Variants in SNTG1 observed in about 807,000 individuals in gnomAD.
SNTG1 encodes gamma-1-syntrophin.
A neutral mutation model predicts 74.7 loss-of-function variants in SNTG1; 39 were observed. The observed-to-expected ratio is 0.52, with a 90% CI of 0.40 to 0.68. The LOEUF (loss-of-function observed/expected upper bound fraction) is 0.68. Ranked by LOEUF, SNTG1 falls within the 30% of genes least tolerant of loss-of-function variation. SNTG1 has a pLI of 0.00. For synonymous variants in SNTG1, 254 were observed against 217.1 expected, an observed-to-expected ratio of 1.17 and a Z score of -1.49; for missense variants, 685 against 609.5, an observed-to-expected ratio of 1.12 and a Z score of -1.30.
intron 4 of SNTG1, among the ~76,000 whole-genome samples, chr8:50,415,577 G>A (rs929484324): frequency 1.3e-5 from 2 of 151,948 alleles, no homozygotes; most frequent in African/African-American, 2.4e-5. Flanking sequence ...TGTTTTAGTA[G>A]CACAAGTAGT....
intron 1 of SNTG1, among the ~76,000 whole-genome samples, chr8:50,095,728 A>G (rs2079901544): frequency 6.6e-6 from 1 of 152,146 alleles, no homozygotes; most frequent in African/African-American, 2.4e-5. Context: ...TTTCTTTTAA[A>G]GTGCCTTTAA....
At chr8:50,283,155 C>T (rs1162383800) in intron 2 of SNTG1, among the ~76,000 whole-genome samples, 1 of 152,132 alleles carries the variant, frequency 6.6e-6, no homozygotes, top group African/African-American at 2.4e-5. Context: ...AAAAAAGCGA[C>T]AAAAATTACA....
At chr8:49,957,294 T>A (rs184144790) in intron 1 of SNTG1, among the ~76,000 whole-genome samples, 2 of 152,342 alleles carry the variant, frequency 1.3e-5, no homozygotes, top group Non-Finnish European at 1.5e-5. Flanking sequence ...CAAAATGCCA[T>A]TCCCCTGAGC....
chr8:50,567,288 T>C (rs2094521430), intron 12 of SNTG1, among the ~76,000 whole-genome samples: 1 of 152,044 alleles, frequency 6.6e-6, no homozygotes, highest in Admixed American at 6.6e-5. Flanking sequence ...TCCTTCCCAA[T>C]TATGCTTTCC....
chr8:50,390,317 C>T (rs868167069), intron 2 of SNTG1, among the ~76,000 whole-genome samples: 1 of 152,128 alleles, frequency 6.6e-6, no homozygotes, highest in African/African-American at 2.4e-5. Flanking sequence ...GCCAGTTTTC[C>T]CAACACCATT....
chr8:50,431,719 G>A (rs149299613), intron 4 of SNTG1, among the ~76,000 whole-genome samples: 77 of 152,224 alleles, frequency 5.1e-4, no homozygotes, highest in African/African-American at 1.4e-3. Flanking sequence ...GATTTTAGCC[G>A]TTTTAATAAG....
At chr8:50,752,593 T>C (rs2095570354) in intron 18 of SNTG1, among the ~76,000 whole-genome samples, 1 of 151,992 alleles carries the variant, frequency 6.6e-6, no homozygotes, top group Non-Finnish European at 1.5e-5. Flanking sequence ...ATAAATGCAT[T>C]ATCCCAGTAT....
chr8:50,475,964 C>T (rs953307943), intron 8 of SNTG1, among the ~76,000 whole-genome samples: 1 of 152,132 alleles, frequency 6.6e-6, no homozygotes, highest in Non-Finnish European at 1.5e-5. Flanking sequence ...ATACGTTTTA[C>T]ATTGTGCACT....
chr8:50,113,935 A>C (rs972278612), intron 1 of SNTG1, among the ~76,000 whole-genome samples: 15 of 151,654 alleles, frequency 9.9e-5, no homozygotes, highest in African/African-American at 2.9e-4. Flanking sequence ...TAAATAAATA[A>C]ATAAATAAAT....
At chr8:50,425,714 C>T (rs73581341) in intron 4 of SNTG1, among the ~76,000 whole-genome samples, 1 of 152,014 alleles carries the variant, frequency 6.6e-6, no homozygotes, top group Non-Finnish European at 1.5e-5. Context: ...ACATACATAC[C>T]TTACTTTGAT....
chr8:50,325,259 A>G (rs1257677753), intron 2 of SNTG1, among the ~76,000 whole-genome samples: 1 of 151,710 alleles, frequency 6.6e-6, no homozygotes, highest in East Asian at 1.9e-4. Flanking sequence ...TTCAAAATAT[A>G]ACTCTCTAAG....
intron 1 of SNTG1, among the ~76,000 whole-genome samples, chr8:50,130,425 G>A (rs1227205390): frequency 1.3e-5 from 2 of 152,056 alleles, no homozygotes; most frequent in Non-Finnish European, 2.9e-5. Context: ...GTAATATATA[G>A]CTGATTTTGT....
Position 50,120,919 on chromosome 8 carries a change from C to T in SNTG1, c.-102-51642C>T, listed in dbSNP as rs2080976520. Among the ~76,000 whole-genome samples the T allele has an allele frequency of 3.5e-5, 5 of 142,114 alleles. 1 individual carries two copies. The South Asian group carries it at 1.0e-3, about 30-fold the overall frequency. 93.2% of individuals were successfully genotyped at this position (142,114 alleles called of 152,430 possible). ...AGTTTTGCAGGACAACTGATCCTCTCTACATGTCTGGTTGCCATAACTTCG... is the reference window on the plus strand; with the variant it reads ...AGTTTTGCAGGACAACTGATCCTCTTTACATGTCTGGTTGCCATAACTTCG... On this transcript the variant is annotated intron_variant, in intron 1 of 18. Transcript: ENST00000642720.
chr8:50,702,002 C>A (rs1054060548), intron 15 of SNTG1, among the ~76,000 whole-genome samples: 5 of 151,844 alleles, frequency 3.3e-5, no homozygotes, highest in Admixed American at 6.6e-5. Context: ...AGGGATGCAC[C>A]ACCATGTCCG....
intron 16 of SNTG1, among the ~76,000 whole-genome samples, chr8:50,707,151 T>C (rs1480637527): frequency 2.0e-5 from 3 of 152,050 alleles, no homozygotes; most frequent in African/African-American, 7.2e-5. Context: ...TTGTTTCAAT[T>C]TCATGATTAT....
intron 2 of SNTG1, among the ~76,000 whole-genome samples, chr8:50,341,444 T>A (rs1313804049): frequency 6.6e-6 from 1 of 151,962 alleles, no homozygotes; most frequent in Non-Finnish European, 1.5e-5. Context: ...TGAGCTAATA[T>A]GATAATATTT....
intron 1 of SNTG1, among the ~76,000 whole-genome samples, chr8:50,170,430 T>C (rs111389133): frequency 0.018 from 2,665 of 152,200 alleles, 30 homozygotes; most frequent in Non-Finnish European, 0.026. Context: ...CAATTAACAT[T>C]ATTTTGACAC....
chr8:50,110,056 C>T (rs1379040196), intron 1 of SNTG1, among the ~76,000 whole-genome samples: 4 of 152,094 alleles, frequency 2.6e-5, no homozygotes, highest in African/African-American at 7.2e-5. Context: ...TGAATTCTAT[C>T]TAATGGCTGT....
intron 2 of SNTG1, among the ~76,000 whole-genome samples, chr8:50,346,603 A>T (rs1179952731): frequency 6.6e-6 from 1 of 152,262 alleles, no homozygotes; most frequent in Non-Finnish European, 1.5e-5. Context: ...GGCATGTGAA[A>T]AGCTGAAATA....
Sources: allele counts gnomAD v4.1 joint callset (sites outside exome capture counted in the v4.1 genomes callset), GRCh38; gene constraint gnomAD v4.1.1; transcripts MANE v1.5; gene names NCBI Gene and HGNC (gene_info 2026-07-23, HGNC 2026-07-21).